Variants in ST6GALNAC3 observed in about 807,000 individuals in gnomAD.
The protein encoded by ST6GALNAC3 is alpha-N-acetylgalactosaminide alpha-2,6-sialyltransferase 3.
ST6GALNAC3 carries 25 observed loss-of-function variants against 32.7 expected under a neutral mutation model. The observed-to-expected ratio is 0.76, with a 90% CI of 0.56 to 1.07. The LOEUF (loss-of-function observed/expected upper bound fraction) is 1.07, where lower values mean the gene tolerates loss of function less well. Among genes scored for constraint, ST6GALNAC3 ranks in the 50% least tolerant of loss-of-function variants. The pLI, the probability that ST6GALNAC3 is intolerant of heterozygous loss-of-function variation, is 0.00. For missense variants in ST6GALNAC3, 355 were observed against 382.4 expected, an observed-to-expected ratio of 0.93 and a Z score of 0.60; for synonymous variants, 129 against 133.1, an observed-to-expected ratio of 0.97 and a Z score of 0.21.
chr1:76,211,857 G>A (rs1185135985), intron 1 of ST6GALNAC3, among the ~76,000 whole-genome samples: 3 of 152,050 alleles, frequency 2.0e-5, no homozygotes, highest in Admixed American at 6.6e-5. Context: ...AATGGGTGCA[G>A]CACACCAACA....
intron 1 of ST6GALNAC3, among the ~76,000 whole-genome samples, chr1:76,099,474 T>C (rs147796539): frequency 1.3e-5 from 2 of 152,312 alleles, no homozygotes; most frequent in Non-Finnish European, 2.9e-5. Context: ...GTTTATAAAA[T>C]GTAAAACTAC....
chr1:76,113,101 C>T (rs1298209386), intron 1 of ST6GALNAC3, among the ~76,000 whole-genome samples: 2 of 151,804 alleles, frequency 1.3e-5, no homozygotes, highest in Non-Finnish European at 2.9e-5. Context: ...CTCGGGAGGC[C>T]GAGGCTGGCG....
chr1:76,538,702 C>T (rs1276754585), intron 3 of ST6GALNAC3, among the ~76,000 whole-genome samples: 1 of 152,140 alleles, frequency 6.6e-6, no homozygotes, highest in East Asian at 1.9e-4. Context: ...GCAAAAATCA[C>T]ATGCATTCCT....
chr1:76,097,645 A>G (rs1647157909), intron 1 of ST6GALNAC3, among the ~76,000 whole-genome samples: 1 of 152,160 alleles, frequency 6.6e-6, no homozygotes. Flanking sequence ...TGTTATGTTT[A>G]TGAAGTTCAT....
chr1:76,085,062 T>C (rs189015856), intron 1 of ST6GALNAC3, among the ~76,000 whole-genome samples: 2 of 152,202 alleles, frequency 1.3e-5, no homozygotes, highest in African/African-American at 4.8e-5. Context: ...TACATGCAGC[T>C]CCTGAGTAAG....
chr1:76,603,128 G>C (rs929820451), intron 3 of ST6GALNAC3, among the ~76,000 whole-genome samples: 1 of 152,158 alleles, frequency 6.6e-6, no homozygotes, highest in Non-Finnish European at 1.5e-5. Context: ...ATATGCTGTC[G>C]ATAGGAGTAT....
chr1:76,473,574 A>G (rs1659169622), intron 3 of ST6GALNAC3, among the ~76,000 whole-genome samples: 1 of 152,182 alleles, frequency 6.6e-6, no homozygotes, highest in Non-Finnish European at 1.5e-5. Context: ...GTTGAATTAT[A>G]TCCTGCCTCT....
At chr1:76,249,282 A>G (rs1390031982) in intron 1 of ST6GALNAC3, among the ~76,000 whole-genome samples, 2 of 152,164 alleles carry the variant, frequency 1.3e-5, no homozygotes, top group Non-Finnish European at 1.5e-5. Flanking sequence ...GAAACTGCCA[A>G]TCTACTTTCT....
chr1:76,362,617 T>C (rs1161648147), intron 2 of ST6GALNAC3, among the ~76,000 whole-genome samples: 1 of 152,158 alleles, frequency 6.6e-6, no homozygotes, highest in Non-Finnish European at 1.5e-5. Flanking sequence ...AGACATTGGG[T>C]AAATACTCCC....
chr1:76,618,525 C>A (rs1451575270), intron 3 of ST6GALNAC3, among the ~76,000 whole-genome samples: 1 of 152,126 alleles, frequency 6.6e-6, no homozygotes, highest in Non-Finnish European at 1.5e-5. Context: ...AATTATCAAT[C>A]GAAAAATATT....
At chr1:76,259,984 T>TTTCTTC (rs750309851) in intron 1 of ST6GALNAC3, among the ~76,000 whole-genome samples, 1 of 152,130 alleles carries the variant, frequency 6.6e-6, no homozygotes, top group Non-Finnish European at 1.5e-5. Context: ...TTAGTTTTGC[T>TTTCTTC]TTCTTCTTCT....
intron 3 of ST6GALNAC3, among the ~76,000 whole-genome samples, chr1:76,594,005 G>A (rs542632303): frequency 2.0e-5 from 3 of 152,170 alleles, no homozygotes; most frequent in African/African-American, 7.2e-5. Context: ...AGGGTGGAAG[G>A]GGGCCCTTGT....
At chr1:76,254,287 G>T (rs1657792590) in intron 1 of ST6GALNAC3, among the ~76,000 whole-genome samples, 2 of 152,080 alleles carry the variant, frequency 1.3e-5, no homozygotes, top group African/African-American at 2.4e-5. Flanking sequence ...GTGTTAAGCT[G>T]GATACTGGTG....
intron 2 of ST6GALNAC3, among the ~76,000 whole-genome samples, chr1:76,331,049 GA>G (rs1488672538): frequency 6.6e-6 from 1 of 152,190 alleles, no homozygotes; most frequent in Non-Finnish European, 1.5e-5. Flanking sequence ...AGGTAAAAAT[GA>G]ATACTGGGTA....
intron 1 of ST6GALNAC3, among the ~76,000 whole-genome samples, chr1:76,185,235 C>T (rs1653477630): frequency 1.3e-5 from 2 of 152,176 alleles, no homozygotes; most frequent in African/African-American, 4.8e-5. Context: ...AGTTTAAATA[C>T]TCCTTATTGT....
chr1:76,616,739 G>C (rs1462186668), intron 3 of ST6GALNAC3, among the ~76,000 whole-genome samples: 1 of 151,630 alleles, frequency 6.6e-6, no homozygotes, highest in African/African-American at 2.4e-5. Context: ...TAGTGAGCCT[G>C]ATTTAAAAAA....
intron 1 of ST6GALNAC3, among the ~76,000 whole-genome samples, chr1:76,297,941 C>T (rs10873873): frequency 0.21 from 32,302 of 151,630 alleles, 5,161 homozygotes; most frequent in African/African-American, 0.45. Flanking sequence ...AGTAAAGTTT[C>T]TAGGGTTGTA....
intron 3 of ST6GALNAC3, among the ~76,000 whole-genome samples, chr1:76,472,540 C>T (rs1401645273): frequency 6.6e-6 from 1 of 152,182 alleles, no homozygotes; most frequent in South Asian, 2.1e-4. Context: ...AGGGACCACC[C>T]AAGCTAAAAC....
At chr1:76,309,453 C>T (rs747001774) in intron 1 of ST6GALNAC3, among the ~76,000 whole-genome samples, 1 of 152,136 alleles carries the variant, frequency 6.6e-6, no homozygotes, top group Non-Finnish European at 1.5e-5. Flanking sequence ...CACACATTCT[C>T]ATTGCATTCA....
Sources: gnomAD v4.1 joint callset for allele counts (sites outside exome capture counted in the v4.1 genomes callset) on GRCh38, gnomAD v4.1.1 for gene constraint, MANE v1.5 for transcripts, NCBI Gene and HGNC (gene_info 2026-07-23, HGNC 2026-07-21) for gene names.